The following MRTFB variants were observed in gnomAD, a reference collection of about 807,000 sequenced individuals.
MRTFB encodes myocardin-related transcription factor B.
MRTFB carries 29 observed loss-of-function variants against 104.2 expected under a neutral mutation model. That is an observed-to-expected ratio of 0.28 (90% CI 0.21 to 0.38). The LOEUF is 0.38. MRTFB is among the 10% of genes least tolerant of loss of function. MRTFB has a pLI of 1.00. For missense variants in MRTFB, 1,270 were observed against 1,341.6 expected (o/e 0.95, Z 0.83); for synonymous variants, 535 against 519.5 (o/e 1.03, Z -0.41).
chr16:14,075,843 G>C (rs138111758), intron 1 of MRTFB, among the ~76,000 whole-genome samples: 1 of 152,320 alleles, frequency 6.6e-6, no homozygotes, highest in Admixed American at 6.5e-5. Flanking sequence ...TTAGACTCTG[G>C]TTTGTAGGTG....
chr16:14,175,836 A>G (rs1188377770), intron 3 of MRTFB, among the ~76,000 whole-genome samples: 1 of 152,206 alleles, frequency 6.6e-6, no homozygotes, highest in Non-Finnish European at 1.5e-5. Flanking sequence ...CAGAGTCACT[A>G]TGCTAAGGGA....
intron 4 of MRTFB, 107 bp downstream of exon 4, chr16:14,210,415 C>A: frequency 1.3e-6 from 1 of 771,428 alleles, no homozygotes; most frequent in Non-Finnish European, 2.1e-6. Context: ...ATTTAATCAA[C>A]AAACAATTAC....
intron 2 of MRTFB, among the ~76,000 whole-genome samples, chr16:14,119,699 A>T (rs1034099805): frequency 4.6e-5 from 7 of 151,158 alleles, no homozygotes; most frequent in African/African-American, 1.7e-4. Context: ...TTTTAAACTT[A>T]TTTTTTTTTA....
Position 14,177,723 on chromosome 16 carries a change from T to C in MRTFB, c.155-32520T>C, listed in dbSNP as rs941771158. Among the ~76,000 whole-genome samples, 5 of 151,902 alleles carry C rather than the reference T, an allele frequency of 3.3e-5. No homozygotes were observed. Among genetic ancestry groups the C allele is most frequent in the African/African-American group, 1.2e-4 (5 of 41,316 alleles). ...CTGTAGACCCAGCTACTGGGGAGGCTGAAGAGGGAAGATTGCTTCAGCCCA... is the reference window on the plus strand; with the variant it reads ...CTGTAGACCCAGCTACTGGGGAGGCCGAAGAGGGAAGATTGCTTCAGCCCA... On this transcript the variant is annotated intron_variant, in intron 3 of 16. Coordinates refer to ENST00000571589, the MANE Select transcript of MRTFB (RefSeq NM_001308142.2). This position sits in a 1 kb window ranked among gnomAD's most constrained non-coding sequence, Gnocchi z 4.7.
chr16:14,055,654 GAAT>G, the MRTFB span, among the ~76,000 whole-genome samples: 1 of 152,174 alleles, frequency 6.6e-6, no homozygotes. Context: ...TTTGGGAGAA[GAAT>G]AATAGAGGTG....
intron 9 of MRTFB, among the ~76,000 whole-genome samples, chr16:14,236,614 G>T (rs1025662125): frequency 6.6e-6 from 1 of 152,126 alleles, no homozygotes; most frequent in South Asian, 2.1e-4. Context: ...ACAGAGATCT[G>T]AAAGAATTGA....
At chr16:14,157,191 A>G (rs1449660785) in intron 3 of MRTFB, among the ~76,000 whole-genome samples, 1 of 152,322 alleles carries the variant, frequency 6.6e-6, no homozygotes, top group South Asian at 2.1e-4. Flanking sequence ...TCATGATTAT[A>G]TTGTGATATT....
chr16:14,132,709 C>T (rs1338543485), intron 2 of MRTFB, among the ~76,000 whole-genome samples: 1 of 152,194 alleles, frequency 6.6e-6, no homozygotes, highest in Non-Finnish European at 1.5e-5. Flanking sequence ...CTGGAATTAA[C>T]GTATTTTTTA....
At chr16:14,042,694 A>G in the MRTFB span, among the ~76,000 whole-genome samples, 1 of 152,154 alleles carries the variant, frequency 6.6e-6, no homozygotes, top group South Asian at 2.1e-4. Context: ...TTAAGAAAAG[A>G]AAGGAAGGGG....
chr16:14,260,741 A>G (rs1450873608), intron 16 of MRTFB, among the ~76,000 whole-genome samples, 168 bp from the exon 17 acceptor site: 1 of 152,234 alleles, frequency 6.6e-6, no homozygotes, highest in Non-Finnish European at 1.5e-5. Context: ...CCATCATCCT[A>G]AAGGTTGTCA....
Position 14,246,953 on chromosome 16 carries a change from C to G in MRTFB, c.1693C>G (p.Leu565Val), listed in dbSNP as rs2043041522. Residue 565 changes from leucine to valine, a missense_variant, in exon 12 of 17, where the codon CTG becomes GTG. Physicochemically the swap from Leu to Val is conservative, Grantham distance 32. Around this residue, in one of 3 missense-constraint regions of MRTFB, gnomAD observed 1,144 missense variants for 1,131.5 expected, o/e 1.01. Coordinates refer to ENST00000571589, the MANE Select transcript of MRTFB (RefSeq NM_001308142.2). The stretch of plus-strand genomic sequence containing the variant: ...CAGCAGCACTCTGTCAAACCTGGAA[C>G]TGGATGCAGCCGAAAAGGATCGCAA... The part of the protein sequence containing the change: ...PTSSTLSNLE[L>V]DAAEKDRKLQ... 1.9e-6 allele frequency: 3 copies of G among 1,614,066 alleles called. No individual in the cohort carries two copies. The highest frequency in any genetic ancestry group is 1.1e-5 in the South Asian group (1 of 91,078).
intron 3 of MRTFB, chr16:14,200,294 A>G: frequency 6.3e-7 from 1 of 1,596,902 alleles, no homozygotes; most frequent in South Asian, 1.1e-5. Flanking sequence ...CTGAGTTCCG[A>G]CCCGGACCCG....
At chr16:14,227,978 A>G (rs1280281144) in intron 8 of MRTFB, among the ~76,000 whole-genome samples, 1 of 151,736 alleles carries the variant, frequency 6.6e-6, no homozygotes, top group African/African-American at 2.4e-5. Flanking sequence ...CAGGCAAAGG[A>G]CTTGAATAGA....
chr16:14,127,924 TA>T (rs1474394963), intron 2 of MRTFB, among the ~76,000 whole-genome samples: 17 of 42,928 alleles, frequency 4.0e-4, no homozygotes, highest in East Asian at 2.7e-3. Context: ...TATATATATA[TA>T]TATATTTTTT....
intron 3 of MRTFB, chr16:14,150,913 T>A (rs1260614431): frequency 6.6e-6 from 1 of 152,138 alleles, no homozygotes; most frequent in Non-Finnish European, 1.5e-5. Context: ...TTCGTAGGAG[T>A]CTCATTATGC....
the MRTFB span, among the ~76,000 whole-genome samples, chr16:14,030,930 G>A: frequency 6.6e-5 from 10 of 152,304 alleles, no homozygotes; most frequent in South Asian, 2.1e-3. Context: ...TTCTCAACTG[G>A]GGGCTCTGAA....
At chr16:14,017,711 A>ATATATATATATATAT in the MRTFB span, among the ~76,000 whole-genome samples, 2 of 33,612 alleles carry the variant, frequency 6.0e-5, no homozygotes, top group African/African-American at 1.4e-4. Flanking sequence ...ATATATATAT[A>ATATATATATATATAT]TTTTTTTTTT....
intron 3 of MRTFB, among the ~76,000 whole-genome samples, chr16:14,168,855 A>G (rs1003950685): frequency 1.3e-5 from 2 of 152,172 alleles, no homozygotes; most frequent in African/African-American, 2.4e-5. Flanking sequence ...ATTCTCACCA[A>G]TATTTGGCAA....
intron 2 of MRTFB, among the ~76,000 whole-genome samples, chr16:14,129,302 A>G (rs2037320467): frequency 6.6e-6 from 1 of 151,182 alleles, no homozygotes; most frequent in Admixed American, 6.6e-5. Context: ...TATTTAAAGT[A>G]TAAAATTTGA....
Sources: allele counts gnomAD v4.1 joint callset (sites outside exome capture counted in the v4.1 genomes callset), GRCh38; gene constraint gnomAD v4.1.1; regional missense constraint gnomAD v4.1.1; non-coding constraint Gnocchi (gnomAD v3.1); transcripts MANE v1.5; gene names NCBI Gene and HGNC (gene_info 2026-07-23, HGNC 2026-07-21).